VWA3B: variants seen among roughly 807,000 people sequenced by gnomAD.
The protein encoded by VWA3B is von Willebrand factor A domain-containing protein 3B.
VWA3B carries 138 observed loss-of-function variants against 158.3 expected under a neutral mutation model. The ratio of observed to expected loss-of-function variants is 0.87; its 90% CI spans 0.76 to 1.00. The LOEUF is 1.00. Ranked by LOEUF, VWA3B falls within the 50% of genes least tolerant of loss-of-function variation. The pLI is 0.00. For missense variants in VWA3B, 1,555 were observed against 1,565.1 expected, an observed-to-expected ratio of 0.99 and a Z score of 0.11; for synonymous variants, 596 against 587.3, an observed-to-expected ratio of 1.01 and a Z score of -0.21.
intron 16 of VWA3B, among the ~76,000 whole-genome samples, chr2:98,232,352 G>A (rs946652289): frequency 2.0e-5 from 3 of 152,110 alleles, no homozygotes; most frequent in African/African-American, 7.2e-5. Context: ...GCTTTGATCT[G>A]TCTTCTCTCT....
chr2:98,217,412 A>T (rs886470399), intron 13 of VWA3B, among the ~76,000 whole-genome samples: 1 of 152,018 alleles, frequency 6.6e-6, no homozygotes, highest in African/African-American at 2.4e-5. Flanking sequence ...TTCTAAGATG[A>T]ATGCCCAGCA....
intron 22 of VWA3B, among the ~76,000 whole-genome samples, chr2:98,277,756 G>C (rs1688614082): frequency 6.6e-6 from 1 of 152,194 alleles, no homozygotes; most frequent in Non-Finnish European, 1.5e-5. Context: ...GTGGAATTAG[G>C]AGAAGGAAGA....
intron 19 of VWA3B, among the ~76,000 whole-genome samples, chr2:98,240,652 T>C (rs1326939674): frequency 1.3e-5 from 2 of 152,204 alleles, no homozygotes; most frequent in Admixed American, 6.5e-5. Flanking sequence ...TAGAAATGCT[T>C]TGAAAACCCT....
intron 7 of VWA3B, among the ~76,000 whole-genome samples, chr2:98,139,184 G>A (rs534183753): frequency 3.3e-5 from 5 of 152,356 alleles, no homozygotes; most frequent in African/African-American, 1.2e-4. Flanking sequence ...TCCCCCAGCA[G>A]TGCCGGCCCA....
intron 24 of VWA3B, 33 bp downstream of exon 24, chr2:98,298,064 T>C (rs750047927): frequency 7.0e-7 from 1 of 1,436,902 alleles, no homozygotes; most frequent in Non-Finnish European, 9.2e-7. Context: ...TGGGGCCCCT[T>C]TTCACCATCC....
chr2:98,119,897 A>T, intron 4 of VWA3B, 134 bp downstream of exon 4: 3 of 1,160,540 alleles, frequency 2.6e-6, no homozygotes, highest in Non-Finnish European at 2.4e-6. Flanking sequence ...TTCCTAGAAG[A>T]TGTAATTTCA....
intron 19 of VWA3B, among the ~76,000 whole-genome samples, chr2:98,248,808 T>G (rs896480917): frequency 1.3e-5 from 2 of 151,506 alleles, no homozygotes; most frequent in African/African-American, 4.8e-5. Flanking sequence ...TCTCTCTGTC[T>G]CTCTTTCTCT....
rs1028522623 is a variant in VWA3B, at chr2:98,162,869, A to G, written c.1007A>G (p.Asp336Gly). Residue 336 changes from aspartate (D) to glycine (G), a missense_variant, in exon 8 of 28, where the codon GAC becomes GGC. Physicochemically the swap from Asp to Gly is moderately conservative, Grantham distance 94 (BLOSUM62 -1). Transcript: ENST00000477737. ...KLPPGAGVRE[D>G]VFLVWQEMEE... ...CTTTTAGGAGCTGGAGTCAGAGAGG[A>G]CGTGTTTCTCGTTTGGCAAGAGATG... is the stretch of plus-strand genomic sequence containing the variant. The G allele has an allele frequency of 1.9e-6, 3 of 1,613,552 alleles. No homozygotes were observed. Among genetic ancestry groups the G allele is most frequent in the Admixed American group, 3.3e-5 (2 of 59,980 alleles).
the VWA3B span, among the ~76,000 whole-genome samples, chr2:98,323,846 G>A: frequency 5.3e-5 from 8 of 152,298 alleles, no homozygotes; most frequent in African/African-American, 1.9e-4. Flanking sequence ...TCAAAATGAA[G>A]GTGAGAGGAG....
At chr2:98,265,705 G>A (rs1308695906) in intron 21 of VWA3B, among the ~76,000 whole-genome samples, 4 of 149,308 alleles carry the variant, frequency 2.7e-5, no homozygotes, top group African/African-American at 7.5e-5. Context: ...TCCAGCACCT[G>A]TTGTTTCCTG....
chr2:98,136,081 G>T, intron 7 of VWA3B, among the ~76,000 whole-genome samples: 1 of 152,052 alleles, frequency 6.6e-6, no homozygotes, highest in African/African-American at 2.4e-5. Flanking sequence ...GACTTTTCTG[G>T]CAATGTGAAG....
chr2:98,099,391 C>G (rs1682932856), intron 2 of VWA3B: 1 of 152,098 alleles, frequency 6.6e-6, no homozygotes. Flanking sequence ...TCCTTGAGCT[C>G]TTTGAATATA....
intron 20 of VWA3B, among the ~76,000 whole-genome samples, chr2:98,251,838 C>T (rs1321633417): frequency 6.6e-6 from 1 of 152,156 alleles, no homozygotes; most frequent in East Asian, 1.9e-4. Context: ...TCCATCGTTG[C>T]CCTCACCCGA....
chr2:98,218,405 T>C (rs2105605447), intron 14 of VWA3B, among the ~76,000 whole-genome samples: 1 of 152,334 alleles, frequency 6.6e-6, no homozygotes, highest in Middle Eastern at 3.4e-3. Flanking sequence ...AATTCAACAA[T>C]TATCAATATT....
intron 22 of VWA3B, among the ~76,000 whole-genome samples, chr2:98,288,225 G>A (rs980447903): frequency 4.6e-5 from 7 of 152,244 alleles, no homozygotes; most frequent in African/African-American, 1.4e-4. Context: ...TGAATATTAT[G>A]TTTTAAGATT....
intron 24 of VWA3B, among the ~76,000 whole-genome samples, chr2:98,298,373 G>GCTTCTATTCT (rs1372602473): frequency 8.2e-6 from 1 of 122,258 alleles, no homozygotes; most frequent in Non-Finnish European, 1.7e-5. Flanking sequence ...AACTACAAAA[G>GCTTCTATTCT]ATTCTATTCT....
intron 3 of VWA3B, 31 bp downstream of exon 3, chr2:98,115,777 T>C (rs369272381): frequency 9.7e-6 from 15 of 1,545,640 alleles, no homozygotes; most frequent in Admixed American, 5.0e-5. Flanking sequence ...TGCGCAGTCC[T>C]GTGACATGGT....
chr2:98,131,829 A>AT (rs898254410), intron 6 of VWA3B, among the ~76,000 whole-genome samples: 25 of 152,160 alleles, frequency 1.6e-4, no homozygotes, highest in African/African-American at 6.0e-4. Context: ...TGAGATGCAA[A>AT]TTTTATAGCC....
intron 16 of VWA3B, 65 bp from the exon 17 acceptor site, chr2:98,234,583 A>G: frequency 6.2e-7 from 1 of 1,604,024 alleles, no homozygotes; most frequent in Non-Finnish European, 8.5e-7. Flanking sequence ...TAAAATAGTT[A>G]TATCTAATGA....
Sources: allele counts gnomAD v4.1 joint callset (sites outside exome capture counted in the v4.1 genomes callset), GRCh38; gene constraint gnomAD v4.1.1; transcripts MANE v1.5; gene names NCBI Gene and HGNC (gene_info 2026-07-23, HGNC 2026-07-21).